KDM4B: variants seen among roughly 807,000 people sequenced by gnomAD.
KDM4B encodes lysine demethylase 4B.
KDM4B carries 32 observed loss-of-function variants against 125.2 expected under a neutral mutation model. The observed-to-expected ratio is 0.26, with a 90% CI of 0.19 to 0.34. KDM4B has a LOEUF of 0.34. Ranked by LOEUF, KDM4B falls within the 10% of genes least tolerant of loss-of-function variation. The pLI is 1.00. For synonymous variants in KDM4B, 721 were observed against 677.9 expected (o/e 1.06, Z -0.99); for missense variants, 1,190 against 1,577.7 (o/e 0.75, Z 4.16).
chr19:5,033,019 G>A lies in KDM4B; in HGVS notation c.129G>A (p.Ala43=), dbSNP rs764085785. The part of the protein sequence containing the change: ...AYIESQGAHR[A]GLAKIIPPKE... The stretch of plus-strand genomic sequence containing the variant: ...TAGAGTCGCAGGGAGCCCACCGGGC[G>A]GGCCTGGCCAAGGTGGGTGACATCC... Residue 43 remains alanine, a synonymous_variant, in exon 3 of 23, where the codon GCG becomes GCA. Transcript: ENST00000159111. The A allele has an allele frequency of 2.5e-5, 40 of 1,613,508 alleles. No individual in the cohort carries two copies. Among genetic ancestry groups the A allele is most frequent in the South Asian group, 5.5e-5 (5 of 91,084 alleles).
chr19:5,142,138 G>A lies in KDM4B; in HGVS notation c.2551-1829G>A, dbSNP rs564477887. ...CAGACCTCTGAAGCCCACCCGCGTC[G>A]TCCTCACAGCCCTGTGGCCTCCGAG... On this transcript the variant is annotated intron_variant, in intron 18 of 22. Coordinates refer to ENST00000159111, the MANE Select transcript of KDM4B (RefSeq NM_015015.3). The surrounding 1 kb of genome is among the most constrained non-coding windows in gnomAD (Gnocchi z 5.4). 3.9e-5 allele frequency among the ~76,000 whole-genome samples: 6 copies of A among 152,232 alleles called. No individual in the cohort carries two copies. The East Asian group carries it at 5.8e-4, about 15-fold the overall frequency.
At chr19:5,019,674 ATGT>A (rs1568232001) in intron 2 of KDM4B, among the ~76,000 whole-genome samples, 1 of 107,728 alleles carries the variant, frequency 9.3e-6, no homozygotes, top group East Asian at 3.0e-4. Context: ...GTTGGCGTGG[ATGT>A]TGGTGTGCAG....
At chr19:5,133,160 C>A (rs117624776) in intron 13 of KDM4B, among the ~76,000 whole-genome samples, 1 of 152,120 alleles carries the variant, frequency 6.6e-6, no homozygotes, top group African/African-American at 2.4e-5. Context: ...AGGGAGGGGA[C>A]GTGGGGAGAT....
chr19:5,120,991 A>G (rs1182612661), intron 11 of KDM4B, among the ~76,000 whole-genome samples: 1 of 152,192 alleles, frequency 6.6e-6, no homozygotes, highest in Non-Finnish European at 1.5e-5. Flanking sequence ...GCTGGTGCCC[A>G]AGGTGAATAT....
rs1392613032 is a variant in KDM4B at position 5,141,984 on chromosome 19, G to T, written c.2551-1983G>T. Among the ~76,000 whole-genome samples, 1 of 152,192 alleles carries T rather than the reference G, an allele frequency of 6.6e-6. No individual in the cohort carries two copies. Among genetic ancestry groups the T allele is most frequent in the Non-Finnish European group, 1.5e-5 (1 of 68,034 alleles). On this transcript the variant is annotated intron_variant, in intron 18 of 22. Transcript: ENST00000159111. The surrounding 1 kb of genome is among the most constrained non-coding windows in gnomAD (Gnocchi z 6.4). ...AGGGAGGGGCTCTCTGCTCCTCAGG[G>T]GTTGGGGTTGTTTGCGAAAGCAGGT...
chr19:5,048,867 C>G (rs1012258017), intron 6 of KDM4B, among the ~76,000 whole-genome samples: 1 of 152,108 alleles, frequency 6.6e-6, no homozygotes, highest in Non-Finnish European at 1.5e-5. Flanking sequence ...CGGGAAGTGG[C>G]GAGCAGCCGG....
rs747179529 is a variant in KDM4B, at chr19:5,082,149, A to C, written c.781-218A>C. 1.0e-3 allele frequency among the ~76,000 whole-genome samples: 155 copies of C among 152,318 alleles called. No individual in the cohort carries two copies. Among genetic ancestry groups the C allele is most frequent in the Middle Eastern group, 3.4e-3 (1 of 292 alleles). ...CCCGGCTGAGCCGAGTGGAGGTTGCAGAGCTGTGGCTGCGGCTGCTCACTA... is the reference window on the plus strand; with the variant it reads ...CCCGGCTGAGCCGAGTGGAGGTTGCCGAGCTGTGGCTGCGGCTGCTCACTA... On this transcript the variant is annotated intron_variant, in intron 8 of 22. Coordinates refer to ENST00000159111, the MANE Select transcript of KDM4B (RefSeq NM_015015.3). The surrounding 1 kb of genome is among the most constrained non-coding windows in gnomAD (Gnocchi z 5.4).
At position 4,971,071 on chromosome 19, in the gene KDM4B, G is replaced by A. The variant is rs949774050; in HGVS notation, c.-109+1841G>A. 6.6e-6 allele frequency among the ~76,000 whole-genome samples: 1 copy of A among 152,206 alleles called. No individual in the cohort carries two copies. The highest frequency in any genetic ancestry group is 6.5e-5 in the Admixed American group (1 of 15,284). On this transcript the variant is annotated intron_variant, in intron 1 of 22. Coordinates refer to ENST00000159111, the MANE Select transcript of KDM4B (RefSeq NM_015015.3). The surrounding 1 kb of genome is among the most constrained non-coding windows in gnomAD (Gnocchi z 4.1). ...GTCTACTGTGTCAGGAGCTGCGGGT[G>A]CCTGCGTGTGCACGTGTGTGTTTAG... is the stretch of plus-strand genomic sequence containing the variant.
At chr19:4,970,995 A>G (rs543155755) in intron 1 of KDM4B, among the ~76,000 whole-genome samples, 3 of 152,010 alleles carry the variant, frequency 2.0e-5, no homozygotes, top group South Asian at 2.1e-4. Flanking sequence ...GGGGTAACGG[A>G]GATTCTGCCG....
chr19:5,077,510 G>A lies in KDM4B; in HGVS notation c.780+40G>A, dbSNP rs543303079. ...GGCCTGCACGCCTGTGGGTGAAGTG[G>A]GTACCGGGTCCAAGCCCAGGTGGCC... On this transcript the variant is annotated intron_variant, in intron 8 of 22. Coordinates refer to ENST00000159111, the MANE Select transcript of KDM4B (RefSeq NM_015015.3). 1.9e-5 allele frequency: 30 copies of A among 1,565,896 alleles called. 1 individual carries two copies. In the South Asian group the frequency reaches 3.3e-4, roughly 17 times the overall value.
intron 3 of KDM4B, among the ~76,000 whole-genome samples, chr19:5,033,779 G>A (rs1224748107): frequency 6.6e-6 from 1 of 152,092 alleles, no homozygotes; most frequent in East Asian, 1.9e-4. Flanking sequence ...TATTGTGCAC[G>A]CGTGTACGTG....
At chr19:5,004,364 C>T (rs914839334) in intron 1 of KDM4B, among the ~76,000 whole-genome samples, 1 of 152,190 alleles carries the variant, frequency 6.6e-6, no homozygotes, top group East Asian at 1.9e-4. Context: ...GAGTGCATGG[C>T]CCACAGTGGG....
intron 7 of KDM4B, among the ~76,000 whole-genome samples, chr19:5,072,530 G>A (rs1033556042): frequency 3.9e-5 from 6 of 152,210 alleles, no homozygotes; most frequent in South Asian, 2.1e-4. Flanking sequence ...CAGACAGGCC[G>A]TAGCAAAGGT....
chr19:5,062,427 C>T (rs1263354162), intron 6 of KDM4B, among the ~76,000 whole-genome samples: 6 of 152,368 alleles, frequency 3.9e-5, no homozygotes, highest in Non-Finnish European at 5.9e-5. Flanking sequence ...TCCTCCCGTC[C>T]GTCCCCATGC....
intron 9 of KDM4B, among the ~76,000 whole-genome samples, chr19:5,104,959 TG>T (rs2039007129): frequency 6.6e-6 from 1 of 152,198 alleles, no homozygotes; most frequent in Non-Finnish European, 1.5e-5. Context: ...GCAAAGTCCA[TG>T]GGCTCCGGGA....
At chr19:5,004,666 C>G (rs1431331555) in intron 1 of KDM4B, among the ~76,000 whole-genome samples, 1 of 152,162 alleles carries the variant, frequency 6.6e-6, no homozygotes, top group African/African-American at 2.4e-5. Context: ...CGGCTCTGTG[C>G]TCCCTGGGAG....
In KDM4B at chr19:5,141,502, G is replaced by A. The variant is rs1291884519; in HGVS notation, c.2551-2465G>A. On this transcript the variant is annotated intron_variant, in intron 18 of 22. Coordinates refer to ENST00000159111, the MANE Select transcript of KDM4B (RefSeq NM_015015.3). The surrounding 1 kb of genome is among the most constrained non-coding windows in gnomAD (Gnocchi z 6.4). The stretch of plus-strand genomic sequence containing the variant: ...CGATGAATTAAAAATCCTTTTACAC[G>A]AGGCCCGCTTGTACTGCTTAATGGG... The A allele has an allele frequency of 2.6e-5, 4 of 152,126 alleles. No homozygotes were observed. Among genetic ancestry groups the A allele is most frequent in the African/African-American group, 7.2e-5 (3 of 41,414 alleles). The allele number at this position is 152,126 out of a possible 1,614,324, so 9.4% of individuals were successfully genotyped here.
chr19:5,011,750 G>A (rs1018604692), intron 1 of KDM4B, among the ~76,000 whole-genome samples: 1 of 152,224 alleles, frequency 6.6e-6, no homozygotes, highest in African/African-American at 2.4e-5. Context: ...CCCAACTTTC[G>A]GAACCCACCC....
chr19:5,138,156 G>C (rs2146083177), intron 18 of KDM4B, 86 bp downstream of exon 18: 2 of 1,030,386 alleles, frequency 1.9e-6, no homozygotes, highest in African/African-American at 1.6e-5. Flanking sequence ...GATCTGAAGC[G>C]GTCTTTCCTC....
Sources: gnomAD v4.1 joint callset for allele counts (sites outside exome capture counted in the v4.1 genomes callset) on GRCh38, gnomAD v4.1.1 for gene constraint, Gnocchi (gnomAD v3.1) non-coding constraint, MANE v1.5 for transcripts, NCBI Gene and HGNC (gene_info 2026-07-23, HGNC 2026-07-21) for gene names.